The following CCDC6 variants were observed in gnomAD, a reference collection of about 807,000 sequenced individuals.
CCDC6 encodes the protein coiled-coil domain-containing protein 6.
In CCDC6, 20 loss-of-function variants were observed where a neutral mutation model predicts 56.6. The observed-to-expected ratio is 0.35, with a 90% CI of 0.25 to 0.51. CCDC6 has a LOEUF of 0.51. Ranked by LOEUF, CCDC6 falls within the 20% of genes least tolerant of loss-of-function variation. CCDC6 has a pLI of 0.95. For synonymous variants in CCDC6, 241 were observed against 234.4 expected (o/e 1.03, Z -0.26); for missense variants, 367 against 601.1 (o/e 0.61, Z 4.07).
intron 1 of CCDC6, among the ~76,000 whole-genome samples, chr10:59,896,251 TA>T (rs992982709): frequency 2.6e-5 from 4 of 152,022 alleles, no homozygotes; most frequent in Non-Finnish European, 5.9e-5. Flanking sequence ...TCATTAAAAA[TA>T]AAAAATAAAA....
intron 1 of CCDC6, among the ~76,000 whole-genome samples, chr10:59,903,472 A>C (rs1360016496): frequency 6.6e-6 from 1 of 152,198 alleles, no homozygotes; most frequent in Non-Finnish European, 1.5e-5. Flanking sequence ...AAGTCTATTA[A>C]AAAACAAAAC....
chr10:59,854,786 T>A (rs2071067554), intron 1 of CCDC6, among the ~76,000 whole-genome samples: 1 of 152,194 alleles, frequency 6.6e-6, no homozygotes, highest in African/African-American at 2.4e-5. Flanking sequence ...CACATACATA[T>A]CTAAGCCTGC....
intron 7 of CCDC6, among the ~76,000 whole-genome samples, chr10:59,800,666 C>G (rs1352688817): frequency 6.8e-6 from 1 of 146,446 alleles, no homozygotes; most frequent in Non-Finnish European, 1.5e-5. Context: ...ATTATAAGCT[C>G]TTAGAGGTTG....
chr10:59,891,603 G>A (rs1431274325), intron 1 of CCDC6, among the ~76,000 whole-genome samples: 1 of 152,150 alleles, frequency 6.6e-6, no homozygotes, highest in African/African-American at 2.4e-5. Context: ...ACTGTCATTA[G>A]CACTAATCTT....
At chr10:59,867,364 G>A (rs1227594104) in intron 1 of CCDC6, among the ~76,000 whole-genome samples, 1 of 152,010 alleles carries the variant, frequency 6.6e-6, no homozygotes, top group African/African-American at 2.4e-5. Flanking sequence ...CTCCCTTTTT[G>A]AATTCAGGAA....
chr10:59,854,561 T>C (rs967722233), intron 1 of CCDC6, among the ~76,000 whole-genome samples: 1 of 151,270 alleles, frequency 6.6e-6, no homozygotes, highest in Non-Finnish European at 1.5e-5. Flanking sequence ...GAGCAGTCCA[T>C]AGGTTCCCCC....
At chr10:59,896,855 A>G (rs1454643543) in intron 1 of CCDC6, among the ~76,000 whole-genome samples, 1 of 152,194 alleles carries the variant, frequency 6.6e-6, no homozygotes, top group Non-Finnish European at 1.5e-5. Flanking sequence ...TTATCACAAA[A>G]AAAAATGCAA....
chr10:59,833,453 A>G (rs998138599), intron 2 of CCDC6, among the ~76,000 whole-genome samples: 7 of 152,174 alleles, frequency 4.6e-5, no homozygotes, highest in Non-Finnish European at 1.0e-4. Context: ...CTGTCTCAAA[A>G]AAAGAATCTT....
In CCDC6 at chr10:59,870,904, T is replaced by C. The variant is rs559916136; in HGVS notation, c.304-18202A>G. Among the ~76,000 whole-genome samples the C allele has an allele frequency of 7.9e-4, 120 of 152,318 alleles. 1 individual carries two copies. Among genetic ancestry groups the C allele is most frequent in the African/African-American group, 2.9e-3 (119 of 41,572 alleles). On this transcript the variant is annotated intron_variant, in intron 1 of 8. Transcript: ENST00000263102. ...CCGGGACTATTAAATGAGAGCACCA[T>C]GAACTGAGCAGCTGTATTTGGGGGT...
intron 2 of CCDC6, among the ~76,000 whole-genome samples, chr10:59,844,478 C>T (rs1273167393): frequency 3.3e-5 from 5 of 149,996 alleles, no homozygotes; most frequent in African/African-American, 9.8e-5. Flanking sequence ...TTGCAGGGCA[C>T]GGTGGCTCAT....
chr10:59,865,939 A>G (rs1215354497), intron 1 of CCDC6, among the ~76,000 whole-genome samples: 2 of 151,924 alleles, frequency 1.3e-5, no homozygotes, highest in Admixed American at 6.6e-5. Flanking sequence ...CAGGAACCCT[A>G]AATTTCTAAA....
intron 1 of CCDC6, among the ~76,000 whole-genome samples, chr10:59,878,843 T>C (rs2071307342): frequency 6.6e-6 from 1 of 152,168 alleles, no homozygotes; most frequent in South Asian, 2.1e-4. Flanking sequence ...TCAGAAAATT[T>C]TTTTTCATAG....
intron 1 of CCDC6, among the ~76,000 whole-genome samples, chr10:59,891,475 G>A (rs1260872314): frequency 2.0e-5 from 3 of 152,270 alleles, no homozygotes; most frequent in Non-Finnish European, 2.9e-5. Flanking sequence ...AAAGCCTACC[G>A]GTTTTCATTT....
rs561273038 is a variant in CCDC6, at chr10:59,793,040, T to C, written c.1302A>G (p.Thr434=). The change falls in exon 9 of 9, where the codon ACA becomes ACG. Residue 434 remains threonine, a synonymous_variant. Coordinates refer to ENST00000263102, the MANE Select transcript of CCDC6 (RefSeq NM_005436.5). Reference sequence around the variant, plus strand: ...GCGGAGGTGGCTGGACTGGGGTCTGTGTGTTGGGAGATGGAGGCGGCGTGG... The same window carrying C: ...GCGGAGGTGGCTGGACTGGGGTCTGCGTGTTGGGAGATGGAGGCGGCGTGG... ...KRPTPPPSPN[T]QTPVQPPPPP... The C allele has an allele frequency of 3.1e-6, 5 of 1,613,794 alleles. No individual in the cohort carries two copies. The highest frequency in any genetic ancestry group is 4.2e-6 in the Non-Finnish European group (5 of 1,179,784).
At chr10:59,824,272 T>C (rs989691087) in intron 3 of CCDC6, among the ~76,000 whole-genome samples, 6 of 151,924 alleles carry the variant, frequency 3.9e-5, no homozygotes, top group African/African-American at 1.5e-4. Context: ...AGGTCTGGAG[T>C]TGGCACCCCT....
intron 4 of CCDC6, among the ~76,000 whole-genome samples, chr10:59,813,850 T>G (rs893327893): frequency 6.6e-6 from 1 of 152,206 alleles, no homozygotes; most frequent in Non-Finnish European, 1.5e-5. Flanking sequence ...ATGCCTGTAT[T>G]TTGCAAATGT....
chr10:59,871,661 T>A (rs796972053), intron 1 of CCDC6, among the ~76,000 whole-genome samples: 124 of 151,992 alleles, frequency 8.2e-4, no homozygotes, highest in African/African-American at 2.8e-3. Context: ...GTTTTGCTGT[T>A]AACTCTTAAT....
In CCDC6 at chr10:59,897,838, A is replaced by G. The variant is rs150599985; in HGVS notation, c.303+8284T>C. Among the ~76,000 whole-genome samples, 209 of 152,252 alleles carry G rather than the reference A, an allele frequency of 1.4e-3. 2 individuals are homozygous for G. The highest frequency in any genetic ancestry group is 4.7e-3 in the African/African-American group (197 of 41,550). On this transcript the variant is annotated intron_variant, in intron 1 of 8. Transcript: ENST00000263102. ...TTCTTTTACTCTCGTCCTTCCTCCT[A>G]TGGAAAACTTTTTGAATGATGACTT... is the stretch of plus-strand genomic sequence containing the variant.
At chr10:59,877,985 T>C (rs2071299163) in intron 1 of CCDC6, among the ~76,000 whole-genome samples, 1 of 152,064 alleles carries the variant, frequency 6.6e-6, no homozygotes. Context: ...TACTTGAAAG[T>C]GTTAAGAGGG....
Sources: gnomAD v4.1 joint callset for allele counts (sites outside exome capture counted in the v4.1 genomes callset) on GRCh38, gnomAD v4.1.1 for gene constraint, MANE v1.5 for transcripts, NCBI Gene and HGNC (gene_info 2026-07-23, HGNC 2026-07-21) for gene names.